KDM4C: variants seen among roughly 807,000 people sequenced by gnomAD.
KDM4C encodes lysine-specific demethylase 4C.
In KDM4C, 81 loss-of-function variants were observed where a neutral mutation model predicts 129.3. The ratio of observed to expected loss-of-function variants is 0.63; its 90% CI spans 0.52 to 0.75. The LOEUF is 0.75. KDM4C is among the 30% of genes least tolerant of loss of function. KDM4C has a pLI of 0.00. For missense variants in KDM4C, 1,457 were observed against 1,304.0 expected (o/e 1.12, Z -1.81); for synonymous variants, 573 against 456.1 (o/e 1.26, Z -3.26).
At position 7,133,692 on chromosome 9, in the gene KDM4C, G is replaced by A. The variant is rs187000195; in HGVS notation, c.2781+5456G>A. Among the ~76,000 whole-genome samples, 222 of 152,300 alleles carry A rather than the reference G, an allele frequency of 1.5e-3. 1 individual carries two copies. The highest frequency in any genetic ancestry group is 5.1e-3 in the African/African-American group (212 of 41,552). On this transcript the variant is annotated intron_variant, in intron 19 of 21. Transcript: ENST00000381309. ...AGAAGACGCTGTGCCTGCTCTAAGGGAAAACACAGATCCAGTAGGACATGG... is the reference window on the plus strand; with the variant it reads ...AGAAGACGCTGTGCCTGCTCTAAGGAAAAACACAGATCCAGTAGGACATGG...
intron 1 of KDM4C, 82 bp from the exon 2 acceptor site, chr9:6,792,890 G>A: frequency 7.4e-7 from 1 of 1,353,066 alleles, no homozygotes. Flanking sequence ...GTTCCTGCTG[G>A]GGGAGCTGAC....
intron 15 of KDM4C, among the ~76,000 whole-genome samples, chr9:7,045,372 G>A (rs932188768): frequency 6.6e-6 from 1 of 152,002 alleles, no homozygotes. Flanking sequence ...TGTATACAAC[G>A]AAAGTACTTG....
chr9:6,946,190 A>C (rs1483379286), intron 8 of KDM4C, among the ~76,000 whole-genome samples: 1 of 152,168 alleles, frequency 6.6e-6, no homozygotes, highest in African/African-American at 2.4e-5. Flanking sequence ...AGATTTTGAC[A>C]ATCTATATTT....
chr9:7,157,866 T>A (rs1167196166), intron 19 of KDM4C, among the ~76,000 whole-genome samples: 1 of 152,242 alleles, frequency 6.6e-6, no homozygotes, highest in Non-Finnish European at 1.5e-5. Flanking sequence ...GATGCTGGCC[T>A]CATAAAATGA....
At chr9:6,907,102 T>A (rs1358791294) in intron 8 of KDM4C, among the ~76,000 whole-genome samples, 2 of 152,200 alleles carry the variant, frequency 1.3e-5, no homozygotes, top group Non-Finnish European at 2.9e-5. Context: ...TTTAGAAAAA[T>A]CTCTGCTATA....
At chr9:7,138,121 G>A (rs904334906) in intron 19 of KDM4C, among the ~76,000 whole-genome samples, 1 of 152,200 alleles carries the variant, frequency 6.6e-6, no homozygotes, top group Admixed American at 6.5e-5. Flanking sequence ...AAATGGAGAA[G>A]AGGAATGATA....
At chr9:7,083,711 A>ATGTGTGTGTGTGGG (rs1834801745) in intron 17 of KDM4C, among the ~76,000 whole-genome samples, 2 of 143,224 alleles carry the variant, frequency 1.4e-5, no homozygotes, top group African/African-American at 5.3e-5. Context: ...CACATGACTG[A>ATGTGTGTGTGTGGG]TGTGTGTGTG....
chr9:7,060,454 GTTATTATTATTATTATTA>G (rs147100950), intron 17 of KDM4C, among the ~76,000 whole-genome samples: 106 of 127,532 alleles, frequency 8.3e-4, no homozygotes, highest in African/African-American at 3.3e-3. Context: ...CAGTATTGTT[GTTATTATTATTATTATTA>G]TTATTATTAT....
intron 5 of KDM4C, among the ~76,000 whole-genome samples, chr9:6,872,058 G>C (rs1450311603): frequency 1.3e-5 from 2 of 152,324 alleles, no homozygotes; most frequent in East Asian, 3.9e-4. Context: ...GGGGTATTTT[G>C]AGGGGAGGAG....
intron 8 of KDM4C, among the ~76,000 whole-genome samples, chr9:6,904,881 G>A (rs1818032299): frequency 6.6e-6 from 1 of 151,920 alleles, no homozygotes. Context: ...AATTAAACTG[G>A]GAATAACACA....
intron 8 of KDM4C, among the ~76,000 whole-genome samples, chr9:6,921,754 A>T (rs1455741141): frequency 1.3e-5 from 2 of 152,154 alleles, no homozygotes; most frequent in African/African-American, 4.8e-5. Flanking sequence ...TACCATGGTG[A>T]GCAAATGCTA....
At chr9:7,068,688 T>C (rs929894761) in intron 17 of KDM4C, among the ~76,000 whole-genome samples, 1,197 of 19,106 alleles carry the variant, frequency 0.063, 119 homozygotes, top group African/African-American at 0.2. Flanking sequence ...TGCCCTTTCT[T>C]TTTTTTTTTT....
At chr9:7,003,080 G>A (rs945298798) in intron 12 of KDM4C, among the ~76,000 whole-genome samples, 10 of 152,118 alleles carry the variant, frequency 6.6e-5, no homozygotes, top group African/African-American at 2.4e-4. Context: ...TTGTCAGGCT[G>A]GTCTCGAACT....
At chr9:6,936,326 TAAAATCA>T in intron 8 of KDM4C, among the ~76,000 whole-genome samples, 1 of 152,220 alleles carries the variant, frequency 6.6e-6, no homozygotes, top group South Asian at 2.1e-4. Context: ...TTATATATGC[TAAAATCA>T]TGGAGATTTG....
At chr9:7,023,267 T>G (rs1318854551) in intron 15 of KDM4C, among the ~76,000 whole-genome samples, 3 of 152,206 alleles carry the variant, frequency 2.0e-5, no homozygotes, top group African/African-American at 7.2e-5. Context: ...CATTGGGTCC[T>G]AGGCTTTTCT....
At chr9:6,963,703 T>C (rs749910718) in intron 8 of KDM4C, among the ~76,000 whole-genome samples, 2 of 152,234 alleles carry the variant, frequency 1.3e-5, no homozygotes, top group Non-Finnish European at 2.9e-5. Flanking sequence ...TCTCTTGCAA[T>C]GTGTCCTGTC....
intron 17 of KDM4C, among the ~76,000 whole-genome samples, chr9:7,083,816 C>T (rs1398249074): frequency 1.3e-5 from 2 of 151,508 alleles, no homozygotes; most frequent in Admixed American, 6.6e-5. Flanking sequence ...ATCATCACTT[C>T]TTTCAAAGGT....
At chr9:6,800,447 G>C (rs2130959354) in intron 2 of KDM4C, among the ~76,000 whole-genome samples, 1 of 152,092 alleles carries the variant, frequency 6.6e-6, no homozygotes, top group East Asian at 1.9e-4. Flanking sequence ...GCTGAGGTGG[G>C]AGGATTTCTT....
intron 5 of KDM4C, among the ~76,000 whole-genome samples, chr9:6,851,501 G>C (rs1423617145): frequency 6.6e-6 from 1 of 152,106 alleles, no homozygotes; most frequent in Non-Finnish European, 1.5e-5. Flanking sequence ...TTCACTTAAA[G>C]TGTGGATAAA....
Sources: allele counts gnomAD v4.1 joint callset (sites outside exome capture counted in the v4.1 genomes callset), GRCh38; gene constraint gnomAD v4.1.1; transcripts MANE v1.5; gene names NCBI Gene and HGNC (gene_info 2026-07-23, HGNC 2026-07-21).